Variants in RANBP2 observed in about 807,000 individuals in gnomAD.
RANBP2 encodes the protein RAN binding protein 2, also known as E3 SUMO-protein ligase RanBP2.
RANBP2 carries 57 observed loss-of-function variants against 303.6 expected under a neutral mutation model. The observed-to-expected ratio is 0.19, with a 90% CI of 0.15 to 0.23. The LOEUF is 0.23. Among genes scored for constraint, RANBP2 ranks in the 10% least tolerant of loss-of-function variants. The pLI, the probability that RANBP2 is intolerant of heterozygous loss-of-function variation, is 1.00. For missense variants in RANBP2, 3,138 were observed against 3,780.8 expected (o/e 0.83, Z 4.46); for synonymous variants, 1,167 against 1,301.5 (o/e 0.90, Z 2.23).
At chr2:108,992,743 T>C in the RANBP2 span, among the ~76,000 whole-genome samples, 1 of 152,236 alleles carries the variant, frequency 6.6e-6, no homozygotes, top group Non-Finnish European at 1.5e-5. Flanking sequence ...TGATCACAGT[T>C]CTGTCTATAG....
chr2:109,722,270 A>G, the RANBP2 span, among the ~76,000 whole-genome samples: 2 of 151,928 alleles, frequency 1.3e-5, no homozygotes, highest in South Asian at 2.1e-4. Context: ...CTCCCCTTTC[A>G]TAGAGGAGTT....
At chr2:109,055,366 CT>C in the RANBP2 span, among the ~76,000 whole-genome samples, 52 of 133,424 alleles carry the variant, frequency 3.9e-4, no homozygotes, top group African/African-American at 5.6e-4. Context: ...TTTTTCTTTT[CT>C]TTTTTTTTTT....
the RANBP2 span, among the ~76,000 whole-genome samples, chr2:109,346,559 C>T: frequency 2.0e-5 from 3 of 152,084 alleles, no homozygotes; most frequent in Admixed American, 6.6e-5. Flanking sequence ...GGCAAAGCTC[C>T]CACAGTTGAG....
chr2:109,572,857 CGCCT>C, the RANBP2 span, among the ~76,000 whole-genome samples: 1 of 151,906 alleles, frequency 6.6e-6, no homozygotes, highest in Non-Finnish European at 1.5e-5. Flanking sequence ...CCTTGTGATC[CGCCT>C]GCCTTGGCCT....
At chr2:108,853,017 A>G in the RANBP2 span, among the ~76,000 whole-genome samples, 3 of 152,234 alleles carry the variant, frequency 2.0e-5, no homozygotes, top group Non-Finnish European at 4.4e-5. Flanking sequence ...TCTGCTCACA[A>G]ACATCACCAA....
the RANBP2 span, chr2:109,371,494 C>T: frequency 1.0e-6 from 1 of 1,001,936 alleles, no homozygotes; most frequent in Non-Finnish European, 1.5e-6. Flanking sequence ...GGAATCTCTT[C>T]CGAGCCTCCA....
At chr2:109,324,221 T>G in the RANBP2 span, among the ~76,000 whole-genome samples, 2 of 152,238 alleles carry the variant, frequency 1.3e-5, no homozygotes, top group Admixed American at 1.3e-4. Context: ...TGGATGGACA[T>G]CTGGGATGTT....
At chr2:109,761,511 C>A in the RANBP2 span, among the ~76,000 whole-genome samples, 4 of 148,548 alleles carry the variant, frequency 2.7e-5, no homozygotes, top group South Asian at 2.4e-4. Flanking sequence ...CTCCAGGTTC[C>A]GTTTCTCGGG....
chr2:109,064,455 C>CAA, the RANBP2 span, among the ~76,000 whole-genome samples: 3,747 of 65,608 alleles, frequency 0.057, 512 homozygotes, highest in Non-Finnish European at 0.067. Context: ...GACTCTGTCT[C>CAA]AAAAAAAAAA....
chr2:109,597,229 CCGTG>C, the RANBP2 span, among the ~76,000 whole-genome samples: 1 of 152,230 alleles, frequency 6.6e-6, no homozygotes, highest in Non-Finnish European at 1.5e-5. Context: ...GCATGAGCCA[CCGTG>C]CCTGGCTGGA....
the RANBP2 span, chr2:108,884,874 C>T: frequency 6.6e-6 from 1 of 151,256 alleles, no homozygotes; most frequent in Non-Finnish European, 1.5e-5. Flanking sequence ...CACACACCCT[C>T]GTTGAAACAC....
At chr2:109,614,650 C>T in the RANBP2 span, 2 of 1,472,418 alleles carry the variant, frequency 1.4e-6, no homozygotes, top group African/African-American at 1.5e-5. Context: ...CGCGCCCGCG[C>T]GCACTTCAAG....
At chr2:108,975,759 G>A in the RANBP2 span, among the ~76,000 whole-genome samples, 3 of 152,144 alleles carry the variant, frequency 2.0e-5, no homozygotes, top group African/African-American at 7.2e-5. Flanking sequence ...GCAAGAGAAG[G>A]GTGGCACTGT....
chr2:108,973,448 C>G, the RANBP2 span, among the ~76,000 whole-genome samples: 3 of 152,200 alleles, frequency 2.0e-5, no homozygotes, highest in Non-Finnish European at 4.4e-5. Flanking sequence ...CTGGCTGCCT[C>G]CTGCCTTCAT....
the RANBP2 span, among the ~76,000 whole-genome samples, chr2:108,969,781 AAC>A: frequency 2.0e-5 from 3 of 152,220 alleles, 1 homozygote; most frequent in African/African-American, 7.2e-5. Context: ...GAAAGACAGA[AAC>A]ATGTAAAAGA....
the RANBP2 span, among the ~76,000 whole-genome samples, chr2:109,057,238 TACTTTAA>T: frequency 5.9e-5 from 9 of 152,244 alleles, no homozygotes; most frequent in African/African-American, 2.2e-4. Context: ...ACGGCTTTCA[TACTTTAA>T]ACTGAAGCCA....
chr2:108,839,199 G>C, the RANBP2 span: 1 of 1,608,506 alleles, frequency 6.2e-7, no homozygotes. Context: ...TGCCTCTAAT[G>C]ACAGAGCAGC....
the RANBP2 span, among the ~76,000 whole-genome samples, chr2:109,468,680 C>G: frequency 6.6e-6 from 1 of 151,622 alleles, no homozygotes; most frequent in Non-Finnish European, 1.5e-5. Flanking sequence ...ATGGTGAAAC[C>G]CTGTCTCTAT....
the RANBP2 span, among the ~76,000 whole-genome samples, chr2:108,962,517 C>CA: frequency 1.3e-5 from 2 of 150,938 alleles, no homozygotes; most frequent in Admixed American, 6.6e-5. Context: ...ACTAAAAATA[C>CA]AAAAAAAATT....
Sources: gnomAD v4.1 joint callset for allele counts (sites outside exome capture counted in the v4.1 genomes callset) on GRCh38, gnomAD v4.1.1 for gene constraint, MANE v1.5 for transcripts, NCBI Gene and HGNC (gene_info 2026-07-23, HGNC 2026-07-21) for gene names.